The following PCNT variants were observed in gnomAD, a reference collection of about 807,000 sequenced individuals.
PCNT encodes pericentrin, also known as kendrin.
Under a neutral mutation model 380.4 loss-of-function variants are expected in PCNT, and 319 were observed. The observed-to-expected ratio is 0.84, with a 90% confidence interval of 0.77 to 0.92. PCNT has a LOEUF of 0.92. PCNT is among the 40% of genes least tolerant of loss of function. PCNT has a pLI of 0.00. For missense variants in PCNT, 4,400 were observed against 4,255.3 expected (o/e 1.03, Z -0.95); for synonymous variants, 1,845 against 1,735.2 (o/e 1.06, Z -1.57).
At chr21:46,327,124 G>A (rs898217006) in intron 2 of PCNT, among the ~76,000 whole-genome samples, 127 of 151,380 alleles carry the variant, frequency 8.4e-4, no homozygotes, top group Non-Finnish European at 1.3e-3. Context: ...GCAGTGGCGC[G>A]ATCTCGGCTC....
chr21:46,379,486 T>G (rs760263931), intron 15 of PCNT, among the ~76,000 whole-genome samples: 2 of 152,148 alleles, frequency 1.3e-5, no homozygotes, highest in Non-Finnish European at 2.9e-5. Flanking sequence ...ATGTGGGGAT[T>G]ATTATTTTTA....
chr21:46,415,899 A>C (rs2147766097), intron 29 of PCNT, among the ~76,000 whole-genome samples, 170 bp from the exon 30 acceptor site: 1 of 152,280 alleles, frequency 6.6e-6, no homozygotes, highest in African/African-American at 2.4e-5. Flanking sequence ...AGGAGATGTA[A>C]GCCTTGGTTC....
At position 46,334,405 on chromosome 21, in the gene PCNT, C is replaced by T. The variant is rs752018207; in HGVS notation, c.276C>T (p.Asp92=). 5.0e-6 allele frequency: 8 copies of T among 1,614,038 alleles called. No individual in the cohort carries two copies. Among genetic ancestry groups the T allele is most frequent in the Non-Finnish European group, 5.1e-6 (6 of 1,180,024 alleles). ...GGTCCTCCCCTTCTTAGCCGGAGGA[C>T]TGTGATGGAGAGAAGAGAGAGGACT... The part of the protein sequence containing the change: ...AGGAFAAQPE[D]CDGEKREDLE... Residue 92 remains aspartate, a synonymous_variant, in exon 3 of 47, where the codon GAC becomes GAT. Transcript: ENST00000359568.
intron 15 of PCNT, among the ~76,000 whole-genome samples, chr21:46,369,690 G>A (rs1457316302): frequency 1.3e-5 from 2 of 152,264 alleles, no homozygotes; most frequent in Non-Finnish European, 2.9e-5. Context: ...GATTTAGTCA[G>A]AGGAAGCATG....
chr21:46,401,814 G>T (rs1285239280), intron 26 of PCNT, 93 bp downstream of exon 26: 6 of 1,164,184 alleles, frequency 5.2e-6, no homozygotes, highest in Non-Finnish European at 5.1e-6. Flanking sequence ...TAACACAGGC[G>T]ATGGGCTTGT....
intron 30 of PCNT, among the ~76,000 whole-genome samples, chr21:46,417,369 A>G (rs1051256672): frequency 2.0e-5 from 3 of 151,328 alleles, no homozygotes; most frequent in Admixed American, 2.0e-4. Context: ...TAATTTTTGT[A>G]GTTTAGTAGA....
At position 46,389,396 on chromosome 21, in the gene PCNT, G is replaced by A. The variant is rs760175380; in HGVS notation, c.3805G>A (p.Gly1269Ser). The A allele has an allele frequency of 8.1e-6, 13 of 1,614,106 alleles. No individual in the cohort carries two copies. Among genetic ancestry groups the A allele is most frequent in the South Asian group, 2.2e-5 (2 of 91,078 alleles). Reference sequence around the variant, plus strand: ...CCAGAGCCTCAGCCTGGCCGTGGACGGCCTCATGGAGATGGCCCTGGACTC... The same window carrying A: ...CCAGAGCCTCAGCCTGGCCGTGGACAGCCTCATGGAGATGGCCCTGGACTC... ...VFQSLSLAVD[G>S]LMEMALDSSR... Residue 1269 changes from glycine (G) to serine (S), a missense_variant, in exon 19 of 47, where the codon GGC (glycine) becomes AGC (serine). Gly to Ser is a moderately conservative substitution (Grantham distance 56). Transcript: ENST00000359568.
chr21:46,326,388 C>T lies in PCNT; in HGVS notation c.66C>T (p.Phe22=), dbSNP rs765242789. The stretch of plus-strand genomic sequence containing the variant: ...ACATTTTTGCGCAGCTTGCTCACTT[C>T]CGACAGAGAAAAACAAAAGGTGACA... ...VEAGRTKLAH[F]RQRKTKGDSS... Residue 22 remains phenylalanine (F), a synonymous_variant, in exon 2 of 47, where the codon TTC becomes TTT. Coordinates refer to ENST00000359568, the MANE Select transcript of PCNT (RefSeq NM_006031.6). The T allele has an allele frequency of 6.2e-7, 1 of 1,614,126 alleles. No individual in the cohort carries two copies.
intron 15 of PCNT, among the ~76,000 whole-genome samples, chr21:46,376,963 G>A (rs919973637): frequency 1.3e-5 from 2 of 152,146 alleles, no homozygotes; most frequent in African/African-American, 4.8e-5. Context: ...TGTGCCGTGC[G>A]AACCCGTTTC....
intron 29 of PCNT, among the ~76,000 whole-genome samples, chr21:46,414,916 GC>G (rs572441742): frequency 8.5e-5 from 13 of 152,164 alleles, no homozygotes; most frequent in African/African-American, 2.7e-4. Context: ...CCTCCTCCCT[GC>G]TGTTTGCTAA....
chr21:46,402,010 G>A (rs1254006737), intron 26 of PCNT, among the ~76,000 whole-genome samples: 2 of 152,038 alleles, frequency 1.3e-5, no homozygotes, highest in African/African-American at 4.8e-5. Flanking sequence ...CCACCGCCAC[G>A]CCCGGCTCAG....
At chr21:46,351,814 T>C (rs1350227755) in intron 9 of PCNT, among the ~76,000 whole-genome samples, 3 of 152,210 alleles carry the variant, frequency 2.0e-5, no homozygotes, top group Non-Finnish European at 2.9e-5. Flanking sequence ...GGTGCCTTCA[T>C]GTCTAAGGAA....
intron 45 of PCNT, 105 bp from the exon 46 acceptor site, chr21:46,444,589 G>T (rs778210671): frequency 2.3e-6 from 3 of 1,276,988 alleles, no homozygotes; most frequent in East Asian, 4.8e-5. Context: ...TCTGGTTGGC[G>T]GGGCTGGTGC....
At chr21:46,392,078 A>C (rs746966767) in intron 21 of PCNT, among the ~76,000 whole-genome samples, 3 of 152,118 alleles carry the variant, frequency 2.0e-5, no homozygotes, top group Non-Finnish European at 4.4e-5. Flanking sequence ...CAGAAGTCTC[A>C]TTTATTATTA....
chr21:46,403,349 C>T (rs1271979561), intron 27 of PCNT, among the ~76,000 whole-genome samples: 4 of 145,614 alleles, frequency 2.7e-5, no homozygotes, highest in East Asian at 2.0e-4. Flanking sequence ...GCCCACGCGG[C>T]GCGTGCTCGG....
chr21:46,328,866 C>CGAT (rs1402993375), intron 2 of PCNT, among the ~76,000 whole-genome samples: 1 of 151,142 alleles, frequency 6.6e-6, no homozygotes, highest in African/African-American at 2.4e-5. Context: ...CTCTGCCTCC[C>CGAT]GATTTCAAGC....
chr21:46,328,988 C>G (rs952037926), intron 2 of PCNT, among the ~76,000 whole-genome samples: 3 of 151,792 alleles, frequency 2.0e-5, no homozygotes, highest in Non-Finnish European at 4.4e-5. Flanking sequence ...ATTGGCCAGG[C>G]TGGTCTCGAA....
intron 17 of PCNT, among the ~76,000 whole-genome samples, chr21:46,387,422 G>A (rs1017630670): frequency 3.9e-5 from 6 of 152,064 alleles, no homozygotes; most frequent in African/African-American, 1.5e-4. Flanking sequence ...CTCTTAACTC[G>A]AGGGGTGCAG....
At chr21:46,401,754 C>G in intron 26 of PCNT, 33 bp downstream of exon 26, 1 of 1,612,050 alleles carries the variant, frequency 6.2e-7, no homozygotes, top group Non-Finnish European at 8.5e-7. Context: ...GGACTGCCAG[C>G]CCTGGGTCAG....
Sources: allele counts gnomAD v4.1 joint callset (sites outside exome capture counted in the v4.1 genomes callset), GRCh38; gene constraint gnomAD v4.1.1; transcripts MANE v1.5; gene names NCBI Gene and HGNC (gene_info 2026-07-23, HGNC 2026-07-21).